Variants in ARHGAP15 observed in about 807,000 individuals in gnomAD.
The protein encoded by ARHGAP15 is rho GTPase-activating protein 15.
In ARHGAP15, 51 loss-of-function variants were observed where a neutral mutation model predicts 63.7. That is an observed-to-expected ratio of 0.80 (90% CI 0.64 to 1.01). The LOEUF is 1.01. Ranked by LOEUF, ARHGAP15 falls within the 50% of genes least tolerant of loss-of-function variation. ARHGAP15 has a pLI of 0.00. For synonymous variants in ARHGAP15, 191 were observed against 193.8 expected (o/e 0.99, Z 0.12); for missense variants, 560 against 564.6 (o/e 0.99, Z 0.08).
intron 6 of ARHGAP15, 77 bp from the exon 7 acceptor site, chr2:143,435,524 G>A: frequency 7.2e-7 from 1 of 1,390,562 alleles, no homozygotes; most frequent in Non-Finnish European, 9.3e-7. Flanking sequence ...TTTAAAAAAG[G>A]ATTTTTACAT....
At chr2:143,272,770 A>AT (rs1158920499) in intron 6 of ARHGAP15, among the ~76,000 whole-genome samples, 1 of 152,152 alleles carries the variant, frequency 6.6e-6, no homozygotes, top group Non-Finnish European at 1.5e-5. Context: ...GATATTCTTG[A>AT]TTTTCAGTAC....
chr2:143,366,798 A>C lies in ARHGAP15; in HGVS notation c.475-68803A>C, dbSNP rs371578456. Among the ~76,000 whole-genome samples the C allele has an allele frequency of 3.3e-5, 5 of 152,080 alleles. No homozygotes were observed. The East Asian group carries it at 5.8e-4, about 18-fold the overall frequency. On this transcript the variant is annotated intron_variant, in intron 6 of 13. Coordinates refer to ENST00000295095, the MANE Select transcript of ARHGAP15 (RefSeq NM_018460.4). ...AACTTAGAAAAAACAATCTTTAAAA[A>C]ATTTCAGTTGGAAAAATCGTAGTTA...
intron 11 of ARHGAP15, among the ~76,000 whole-genome samples, chr2:143,595,988 C>T (rs1174491391): frequency 6.6e-6 from 1 of 152,056 alleles, no homozygotes; most frequent in Non-Finnish European, 1.5e-5. Context: ...AACATTTTTA[C>T]AGTGAAGGTA....
At chr2:143,500,447 T>G (rs751510986) in intron 9 of ARHGAP15, among the ~76,000 whole-genome samples, 16 of 152,090 alleles carry the variant, frequency 1.1e-4, no homozygotes, top group Non-Finnish European at 8.8e-5. Flanking sequence ...GTAGCAAATA[T>G]TCACCTTATG....
intron 8 of ARHGAP15, among the ~76,000 whole-genome samples, chr2:143,464,102 T>G (rs946386606): frequency 2.0e-5 from 3 of 152,212 alleles, no homozygotes; most frequent in African/African-American, 4.8e-5. Flanking sequence ...CCTGTAATAG[T>G]TGGCATGTCT....
chr2:143,505,539 T>G (rs1046281651), intron 9 of ARHGAP15, among the ~76,000 whole-genome samples: 2 of 152,236 alleles, frequency 1.3e-5, no homozygotes, highest in African/African-American at 2.4e-5. Flanking sequence ...CATGGCCTAC[T>G]AATTTGGGCT....
intron 6 of ARHGAP15, among the ~76,000 whole-genome samples, chr2:143,377,454 T>C (rs1686865643): frequency 6.6e-6 from 1 of 151,926 alleles, no homozygotes. Flanking sequence ...AAAGTGTCTA[T>C]TATTAAATAT....
chr2:143,347,800 C>T (rs1002282953), intron 6 of ARHGAP15, among the ~76,000 whole-genome samples: 1 of 139,228 alleles, frequency 7.2e-6, no homozygotes. Context: ...CCACCAAGTC[C>T]TTTTGACTTC....
At chr2:143,707,654 T>C (rs1475221934) in intron 13 of ARHGAP15, among the ~76,000 whole-genome samples, 10 of 152,206 alleles carry the variant, frequency 6.6e-5, no homozygotes, top group Non-Finnish European at 1.0e-4. Flanking sequence ...GAAAAGTTTA[T>C]GCAGATAAAA....
intron 10 of ARHGAP15, among the ~76,000 whole-genome samples, chr2:143,525,891 C>T (rs1317473602): frequency 6.6e-6 from 1 of 152,136 alleles, no homozygotes; most frequent in Non-Finnish European, 1.5e-5. Context: ...GGAAAAGCTG[C>T]ATTTTGCAAT....
At chr2:143,269,340 A>G (rs1681154577) in intron 6 of ARHGAP15, among the ~76,000 whole-genome samples, 1 of 152,170 alleles carries the variant, frequency 6.6e-6, no homozygotes, top group African/African-American at 2.4e-5. Flanking sequence ...TGTCACATAT[A>G]AAAGAAATGA....
At chr2:143,264,705 G>A (rs1268932365) in intron 6 of ARHGAP15, among the ~76,000 whole-genome samples, 1 of 152,110 alleles carries the variant, frequency 6.6e-6, no homozygotes, top group Non-Finnish European at 1.5e-5. Context: ...TATTGGGCCG[G>A]TTTGTTACAG....
At chr2:143,256,399 T>C (rs562115291) in intron 6 of ARHGAP15, among the ~76,000 whole-genome samples, 1 of 152,282 alleles carries the variant, frequency 6.6e-6, no homozygotes, top group South Asian at 2.1e-4. Flanking sequence ...AAAATCTTTT[T>C]ATTGTGTGAC....
intron 11 of ARHGAP15, among the ~76,000 whole-genome samples, chr2:143,613,310 T>G (rs1483142936): frequency 6.6e-6 from 1 of 152,188 alleles, no homozygotes; most frequent in Non-Finnish European, 1.5e-5. Flanking sequence ...TAAAATGACT[T>G]CAAATTGGAA....
chr2:143,380,898 C>A (rs957671021), intron 6 of ARHGAP15, among the ~76,000 whole-genome samples: 1 of 149,962 alleles, frequency 6.7e-6, no homozygotes, highest in Non-Finnish European at 1.5e-5. Flanking sequence ...AATACAGGTG[C>A]GGCTCTGAAT....
intron 13 of ARHGAP15, among the ~76,000 whole-genome samples, chr2:143,745,258 C>T (rs1686118545): frequency 1.3e-5 from 2 of 152,200 alleles, no homozygotes; most frequent in Non-Finnish European, 2.9e-5. Context: ...TACATGCCAC[C>T]ATTCCCCATT....
In ARHGAP15 at chr2:143,155,606, G is replaced by A. The variant is rs772582650; in HGVS notation, c.116G>A (p.Ser39Asn). ...KNANSHHDRL[S>N]QSKSMILTDV... ...GCCAACAGCCACCATGACAGGCTCAGCCAAAGTAAATCCATGATCCTCACC... is the reference window on the plus strand; with the variant it reads ...GCCAACAGCCACCATGACAGGCTCAACCAAAGTAAATCCATGATCCTCACC... Residue 39 changes from serine (S) to asparagine (N), a missense_variant, in exon 2 of 14, where the codon AGC becomes AAC. By Grantham distance (46) the Ser-to-Asn change is conservative. Coordinates refer to ENST00000295095, the MANE Select transcript of ARHGAP15 (RefSeq NM_018460.4). The A allele has an allele frequency of 1.2e-6, 2 of 1,606,900 alleles. No homozygotes were observed. The highest frequency in any genetic ancestry group is 1.7e-6 in the Non-Finnish European group (2 of 1,177,102).
chr2:143,702,430 C>T (rs1684131060), intron 12 of ARHGAP15, among the ~76,000 whole-genome samples: 2 of 151,812 alleles, frequency 1.3e-5, no homozygotes, highest in African/African-American at 2.4e-5. Flanking sequence ...CTGTTTTACC[C>T]TCTTATTTTA....
intron 6 of ARHGAP15, among the ~76,000 whole-genome samples, chr2:143,343,703 G>A (rs1040744066): frequency 7.9e-5 from 12 of 152,058 alleles, no homozygotes; most frequent in African/African-American, 2.7e-4. Context: ...AAATAACTGA[G>A]TGATGGAGCA....
Sources: gnomAD v4.1 joint callset for allele counts (sites outside exome capture counted in the v4.1 genomes callset) on GRCh38, gnomAD v4.1.1 for gene constraint, MANE v1.5 for transcripts, NCBI Gene and HGNC (gene_info 2026-07-23, HGNC 2026-07-21) for gene names.